The following NYAP2 variants were observed in gnomAD, a reference collection of about 807,000 sequenced individuals.
NYAP2 encodes the protein neuronal tyrosine-phosphorylated phosphoinositide-3-kinase adaptor 2.
NYAP2 carries 23 observed loss-of-function variants against 50.4 expected under a neutral mutation model. The ratio of observed to expected loss-of-function variants is 0.46; its 90% CI spans 0.33 to 0.65. The LOEUF is 0.65. Ranked by LOEUF, NYAP2 falls within the 30% of genes least tolerant of loss-of-function variation. The pLI is 0.02. For missense variants in NYAP2, 885 were observed against 861.0 expected, an observed-to-expected ratio of 1.03 and a Z score of -0.35; for synonymous variants, 394 against 365.2, an observed-to-expected ratio of 1.08 and a Z score of -0.90.
exon 7 of NYAP2, chr2:225,652,668 T>C (rs1693755909): frequency 6.6e-6 from 1 of 152,200 alleles, no homozygotes; most frequent in South Asian, 2.1e-4. Flanking sequence ...TTTGCATTCA[T>C]GAAACTCTTC....
Position 225,528,069 on chromosome 2 carries a change from T to C in NYAP2, c.523+14397T>C, listed in dbSNP as rs1691185703. Among the ~76,000 whole-genome samples, 3 of 152,216 alleles carry C rather than the reference T, an allele frequency of 2.0e-5. No homozygotes were observed. In the South Asian group the frequency reaches 6.2e-4, roughly 31 times the overall value. ...AAGGAATGAAATACCATCATATTCA[T>C]GGTCCTGCTTCTGCACTCAATGAGA... On this transcript the variant is annotated intron_variant, in intron 4 of 6. Transcript: ENST00000636099.
intron 3 of NYAP2, among the ~76,000 whole-genome samples, chr2:225,415,639 G>A (rs1020856712): frequency 2.6e-5 from 4 of 152,028 alleles, no homozygotes; most frequent in South Asian, 2.1e-4. Flanking sequence ...TTTTTGTCAC[G>A]AATAGCTAAT....
intron 6 of NYAP2, among the ~76,000 whole-genome samples, chr2:225,637,408 C>A (rs1168061594): frequency 1.3e-5 from 2 of 152,158 alleles, no homozygotes; most frequent in Non-Finnish European, 2.9e-5. Flanking sequence ...CAGCTGTGAA[C>A]TTCCAGAGTT....
Position 225,505,225 on chromosome 2 carries a change from AGACACAG to A in NYAP2, c.222-8143_222-8137del, listed in dbSNP as rs1690684549. 8.5e-5 allele frequency among the ~76,000 whole-genome samples: 13 copies of A among 152,182 alleles called. No individual in the cohort carries two copies. The South Asian group carries it at 2.7e-3, about 32-fold the overall frequency. On this transcript the variant is annotated intron_variant, in intron 3 of 6. Transcript: ENST00000636099. ...ATCCGAGAAGTATCAATAAAGAGCC[AGACACAG>A]GAAATTAATGTCTGAAAAAAACTAG...
chr2:225,681,054 C>T, the NYAP2 span, among the ~76,000 whole-genome samples: 5 of 152,164 alleles, frequency 3.3e-5, no homozygotes, highest in Non-Finnish European at 5.9e-5. Flanking sequence ...ACAGCTATTG[C>T]AACAAATATA....
At chr2:225,544,310 C>G (rs943663324) in intron 4 of NYAP2, among the ~76,000 whole-genome samples, 5 of 151,618 alleles carry the variant, frequency 3.3e-5, no homozygotes, top group Admixed American at 3.3e-4. Flanking sequence ...TAAATAGGGA[C>G]TTACTCCTGC....
intron 3 of NYAP2, among the ~76,000 whole-genome samples, chr2:225,478,922 C>A (rs561726475): frequency 1.3e-5 from 2 of 152,046 alleles, no homozygotes; most frequent in African/African-American, 2.4e-5. Flanking sequence ...TCTTCATGGA[C>A]CAAACACAAA....
intron 3 of NYAP2, among the ~76,000 whole-genome samples, chr2:225,426,140 T>C (rs200434739): frequency 3.2e-4 from 2 of 6,160 alleles, no homozygotes; most frequent in Non-Finnish European, 6.8e-4. Context: ...TTCTCTTTTC[T>C]TTTTTTTTTT....
intron 4 of NYAP2, among the ~76,000 whole-genome samples, chr2:225,561,988 C>T (rs1691885059): frequency 6.6e-6 from 1 of 151,842 alleles, no homozygotes. Context: ...AGTTCTGGAC[C>T]TAACTGGAAC....
intron 5 of NYAP2, among the ~76,000 whole-genome samples, chr2:225,606,425 G>C (rs1056325308): frequency 6.6e-5 from 10 of 152,032 alleles, no homozygotes; most frequent in African/African-American, 2.4e-4. Context: ...CAGGAACTTC[G>C]ATTTTGTTCC....
chr2:225,622,559 T>TTCTTTCTTTTTC (rs767090288), intron 5 of NYAP2, among the ~76,000 whole-genome samples: 1 of 56,842 alleles, frequency 1.8e-5, no homozygotes, highest in Non-Finnish European at 3.5e-5. Context: ...CTTTCTTTCT[T>TTCTTTCTTTTTC]TTTCTTTCTT....
intron 5 of NYAP2, among the ~76,000 whole-genome samples, chr2:225,611,898 GTA>G (rs1306995928): frequency 8.6e-6 from 1 of 115,710 alleles, no homozygotes; most frequent in East Asian, 2.5e-4. Context: ...GTGTGTGTGT[GTA>G]TACACACACA....
At chr2:225,596,344 G>A (rs928524407) in intron 5 of NYAP2, among the ~76,000 whole-genome samples, 1 of 152,162 alleles carries the variant, frequency 6.6e-6, no homozygotes, top group Non-Finnish European at 1.5e-5. Flanking sequence ...GTAAATGTGT[G>A]TTTAAATATT....
intron 3 of NYAP2, among the ~76,000 whole-genome samples, chr2:225,437,716 T>C (rs1689404387): frequency 6.6e-6 from 1 of 152,234 alleles, no homozygotes; most frequent in African/African-American, 2.4e-5. Context: ...CGTAAACATC[T>C]GATTTAATCA....
chr2:225,542,707 T>G (rs1258413046), intron 4 of NYAP2, among the ~76,000 whole-genome samples: 1 of 152,194 alleles, frequency 6.6e-6, no homozygotes, highest in African/African-American at 2.4e-5. Flanking sequence ...TCAATATTCA[T>G]TAGAAATATT....
intron 3 of NYAP2, among the ~76,000 whole-genome samples, chr2:225,497,078 A>G (rs1288495665): frequency 3.3e-5 from 5 of 152,206 alleles, no homozygotes; most frequent in African/African-American, 1.2e-4. Context: ...GCTACAGCAT[A>G]AAGCGGATAA....
chr2:225,433,160 C>T (rs999267589), intron 3 of NYAP2, among the ~76,000 whole-genome samples: 4 of 152,168 alleles, frequency 2.6e-5, no homozygotes, highest in African/African-American at 9.6e-5. Flanking sequence ...AGTATACCAA[C>T]TTCATTAATT....
At chr2:225,575,131 A>ATTT (rs1559218826) in intron 4 of NYAP2, among the ~76,000 whole-genome samples, 1 of 152,128 alleles carries the variant, frequency 6.6e-6, no homozygotes, top group Non-Finnish European at 1.5e-5. Context: ...CATGAGGTAC[A>ATTT]TTTCGTATAT....
At chr2:225,683,867 G>C in the NYAP2 span, among the ~76,000 whole-genome samples, 1 of 152,240 alleles carries the variant, frequency 6.6e-6, no homozygotes. Context: ...TCTCATAAGG[G>C]ACGTTCATTT....
Sources: allele counts gnomAD v4.1 joint callset (sites outside exome capture counted in the v4.1 genomes callset), GRCh38; gene constraint gnomAD v4.1.1; transcripts MANE v1.5; gene names NCBI Gene and HGNC (gene_info 2026-07-23, HGNC 2026-07-21).